The following GALNT10 variants were observed in gnomAD, a reference collection of about 807,000 sequenced individuals.
GALNT10 encodes GalNAc transferase 10.
In GALNT10, 41 loss-of-function variants were observed where a neutral mutation model predicts 75.0. That is an observed-to-expected ratio of 0.55 (90% CI 0.43 to 0.71). GALNT10 has a LOEUF of 0.71. GALNT10 is among the 30% of genes least tolerant of loss of function. The pLI is 0.00. For missense variants in GALNT10, 727 were observed against 818.5 expected (o/e 0.89, Z 1.36); for synonymous variants, 302 against 313.0 (o/e 0.96, Z 0.37).
chr5:154,226,059 A>T (rs1040243544), intron 1 of GALNT10, among the ~76,000 whole-genome samples: 5 of 152,088 alleles, frequency 3.3e-5, no homozygotes, highest in Non-Finnish European at 5.9e-5. Context: ...GGTGCAGCAC[A>T]CCAACATGGC....
At chr5:154,346,139 C>CGTGTGTGTGT (rs36124544) in intron 4 of GALNT10, among the ~76,000 whole-genome samples, 13 of 147,718 alleles carry the variant, frequency 8.8e-5, no homozygotes, top group East Asian at 4.0e-4. Flanking sequence ...TTCGTGTGTG[C>CGTGTGTGTGT]GTGTGTGTGT....
chr5:154,285,929 CA>C (rs1754104882), intron 1 of GALNT10, among the ~76,000 whole-genome samples: 2 of 152,320 alleles, frequency 1.3e-5, no homozygotes, highest in African/African-American at 4.8e-5. Flanking sequence ...CATGTTTGCT[CA>C]GCCACAGAAT....
chr5:154,405,196 C>T (rs961401132), intron 8 of GALNT10, among the ~76,000 whole-genome samples: 4 of 152,192 alleles, frequency 2.6e-5, no homozygotes, highest in Non-Finnish European at 5.9e-5. Context: ...GCCTCCTCCT[C>T]CACTTGACAA....
At chr5:154,210,346 A>G (rs140217515) in intron 1 of GALNT10, among the ~76,000 whole-genome samples, 1,586 of 151,878 alleles carry the variant, frequency 0.01, 33 homozygotes, top group African/African-American at 0.036. Context: ...AAGTGCATGC[A>G]CACAGGCACA....
At chr5:154,335,630 G>GT (rs1324630563) in intron 4 of GALNT10, among the ~76,000 whole-genome samples, 1 of 152,144 alleles carries the variant, frequency 6.6e-6, no homozygotes, top group East Asian at 1.9e-4. Context: ...TTGCCCCAGT[G>GT]TTTTTTCTTT....
chr5:154,403,769 A>C, intron 7 of GALNT10: 1 of 352,158 alleles, frequency 2.8e-6, no homozygotes, highest in Non-Finnish European at 5.3e-6. Context: ...TTACTCTGTG[A>C]CCTGAGTCAC....
At chr5:154,287,296 A>G (rs1754125224) in intron 1 of GALNT10, among the ~76,000 whole-genome samples, 1 of 152,032 alleles carries the variant, frequency 6.6e-6, no homozygotes, top group Admixed American at 6.6e-5. Flanking sequence ...CTCGTGACTC[A>G]CTTTTGCATC....
chr5:154,317,268 A>T (rs868619167), intron 3 of GALNT10, among the ~76,000 whole-genome samples: 33 of 152,366 alleles, frequency 2.2e-4, no homozygotes, highest in Admixed American at 6.5e-4. Flanking sequence ...AATGTATGTT[A>T]TAGTTCCCTT....
chr5:154,334,508 A>G (rs777852017), intron 4 of GALNT10, among the ~76,000 whole-genome samples: 2 of 152,238 alleles, frequency 1.3e-5, no homozygotes, highest in Non-Finnish European at 2.9e-5. Context: ...GAAAAACAAG[A>G]GAGGTCTTGT....
intron 1 of GALNT10, among the ~76,000 whole-genome samples, chr5:154,214,438 C>T (rs1249627743): frequency 3.3e-5 from 5 of 151,998 alleles, no homozygotes; most frequent in Admixed American, 1.3e-4. Context: ...CACTCATCAC[C>T]GGTGGGAATG....
chr5:154,356,777 A>G (rs1156270422), intron 4 of GALNT10, among the ~76,000 whole-genome samples: 1 of 152,162 alleles, frequency 6.6e-6, no homozygotes, highest in African/African-American at 2.4e-5. Flanking sequence ...AAGGGCCAGC[A>G]GAGCTGGGCC....
chr5:154,297,956 G>A lies in GALNT10; in HGVS notation c.278G>A (p.Gly93Glu), dbSNP rs1754306007. ...DAQRVGNGEQGRPYPMTDAER... is the reference protein window; with the variant it reads ...DAQRVGNGEQERPYPMTDAER... ...TTGCTTCTAGGAAATGGAGAACAAGGAAGACCTTACCCCATGACCGATGCT... is the reference window on the plus strand; with the variant it reads ...TTGCTTCTAGGAAATGGAGAACAAGAAAGACCTTACCCCATGACCGATGCT... Residue 93 changes from glycine to glutamate, a missense_variant, in exon 3 of 12, where the codon GGA becomes GAA. Transcript: ENST00000297107. 6.2e-7 allele frequency: 1 copy of A among 1,613,580 alleles called. No homozygotes were observed. Among genetic ancestry groups the A allele is most frequent in the South Asian group, 1.1e-5 (1 of 91,042 alleles).
At chr5:154,215,103 C>T (rs999901421) in intron 1 of GALNT10, among the ~76,000 whole-genome samples, 1 of 152,134 alleles carries the variant, frequency 6.6e-6, no homozygotes, top group Non-Finnish European at 1.5e-5. Flanking sequence ...TTTTTAGAAA[C>T]AGAGTTTGAG....
At chr5:154,310,310 G>A (rs985211849) in intron 3 of GALNT10, among the ~76,000 whole-genome samples, 6 of 152,252 alleles carry the variant, frequency 3.9e-5, no homozygotes, top group Admixed American at 3.9e-4. Context: ...GAGCAATGCA[G>A]CCTCCCTGTT....
intron 1 of GALNT10, among the ~76,000 whole-genome samples, chr5:154,259,778 TCAAAATGTTCTA>T (rs1299445346): frequency 1.3e-5 from 2 of 152,178 alleles, no homozygotes; most frequent in Non-Finnish European, 2.9e-5. Flanking sequence ...GCCCCTGCAC[TCAAAATGTTCTA>T]CAAAATTGTT....
At chr5:154,277,476 G>A (rs1218518507) in intron 1 of GALNT10, among the ~76,000 whole-genome samples, 2 of 151,948 alleles carry the variant, frequency 1.3e-5, no homozygotes, top group African/African-American at 4.8e-5. Flanking sequence ...CACTTTTGAT[G>A]GGAGGAGCTG....
At position 154,416,793 on chromosome 5, in the gene GALNT10, TA is replaced by T. The variant is rs750051791; in HGVS notation, c.1654-20del. 13 of 1,601,136 alleles carry T rather than the reference TA, an allele frequency of 8.1e-6. 1 individual carries two copies. The South Asian group carries it at 1.1e-4, about 14-fold the overall frequency. The stretch of plus-strand genomic sequence containing the variant: ...CACATGTCTCCAGTGCTGTCTGGCT[TA>T]TTACCTCCATGTTTTGTAGGACAAG... On this transcript the variant is annotated intron_variant, in intron 11 of 11. Coordinates refer to ENST00000297107, the MANE Select transcript of GALNT10 (RefSeq NM_198321.4). This position sits in a 1 kb window ranked among gnomAD's most constrained non-coding sequence, Gnocchi z 4.5.
At chr5:154,233,700 G>T (rs543340627) in intron 1 of GALNT10, among the ~76,000 whole-genome samples, 1 of 152,296 alleles carries the variant, frequency 6.6e-6, no homozygotes, top group South Asian at 2.1e-4. Context: ...GCACATGGTT[G>T]TCGAGTGGCT....
rs1225284042 is a variant in GALNT10 at position 154,412,502 on chromosome 5, GGT to G, written c.1387-386_1387-385del. ...CATGTCCTTTTCTAGGCGCTTTCAAGGTATGGTCCCTGGACCACCTGCACCTG... is the reference window on the plus strand; with the variant it reads ...CATGTCCTTTTCTAGGCGCTTTCAAGATGGTCCCTGGACCACCTGCACCTG... On this transcript the variant is annotated intron_variant, in intron 9 of 11. Transcript: ENST00000297107. The surrounding 1 kb of genome is among the most constrained non-coding windows in gnomAD (Gnocchi z 4.2). The G allele has an allele frequency of 1.3e-5, 3 of 236,872 alleles. No homozygotes were observed. Among genetic ancestry groups the G allele is most frequent in the African/African-American group, 7.1e-5 (3 of 42,422 alleles). 14.7% of individuals were successfully genotyped at this position (236,872 alleles called of 1,614,324 possible).
Sources: allele counts gnomAD v4.1 joint callset (sites outside exome capture counted in the v4.1 genomes callset), GRCh38; gene constraint gnomAD v4.1.1; non-coding constraint Gnocchi (gnomAD v3.1); transcripts MANE v1.5; gene names NCBI Gene and HGNC (gene_info 2026-07-23, HGNC 2026-07-21).